Variants in RANBP3 observed in about 807,000 individuals in gnomAD.
The protein encoded by RANBP3 is ran-binding protein 3.
Under a neutral mutation model 77.3 loss-of-function variants are expected in RANBP3, and 14 were observed. The observed-to-expected ratio is 0.18, with a 90% confidence interval of 0.12 to 0.28. The LOEUF is 0.28. Among genes scored for constraint, RANBP3 ranks in the 10% least tolerant of loss-of-function variants. The pLI is 1.00. For synonymous variants in RANBP3, 315 were observed against 312.4 expected (o/e 1.01, Z -0.09); for missense variants, 586 against 752.3 (o/e 0.78, Z 2.59).
intron 2 of RANBP3, 50 bp downstream of exon 2, chr19:5,957,868 G>C (rs766743704): frequency 4.4e-6 from 7 of 1,598,102 alleles, no homozygotes; most frequent in Admixed American, 3.4e-5. Flanking sequence ...TCAGTAAAGA[G>C]AGAACAAATT....
rs992345408 is a variant in RANBP3 at position 5,957,910 on chromosome 19, C to A, written c.78+8G>T. On this transcript the variant is annotated splice_region_variant and intron_variant, in intron 2 of 16. Coordinates refer to ENST00000340578, the MANE Select transcript of RANBP3 (RefSeq NM_007322.3). The stretch of plus-strand genomic sequence containing the variant: ...ACGAAGTGAAGAGAGAACGTACCGG[C>A]CCCTTACCTTTTGTCCTTTATCCTT... The A allele has an allele frequency of 6.2e-7, 1 of 1,614,024 alleles. No individual in the cohort carries two copies.
chr19:5,960,830 G>A (rs976660680), intron 1 of RANBP3, among the ~76,000 whole-genome samples: 3 of 152,206 alleles, frequency 2.0e-5, no homozygotes, highest in Non-Finnish European at 4.4e-5. Flanking sequence ...CTGGACACAC[G>A]GCAGGGCTGA....
At chr19:5,968,799 G>A (rs58761764) in intron 1 of RANBP3, among the ~76,000 whole-genome samples, 2,811 of 152,316 alleles carry the variant, frequency 0.018, 86 homozygotes, top group African/African-American at 0.064. Context: ...GCACAGACTT[G>A]TGCTAGGCAC....
Position 5,924,997 on chromosome 19 carries a change from A to G in RANBP3, c.918-92T>C. The G allele has an allele frequency of 8.3e-7, 1 of 1,198,620 alleles. No individual in the cohort carries two copies. Among genetic ancestry groups the G allele is most frequent in the African/African-American group, 1.5e-5 (1 of 66,440 alleles). 74.2% of individuals were successfully genotyped at this position (1,198,620 alleles called of 1,614,324 possible). ...ACCCATGGAGCACACACTGACACAG[A>G]GGGCACAGTGGAGGGGCCTCCGCCA... is the stretch of plus-strand genomic sequence containing the variant. On this transcript the variant is annotated intron_variant, in intron 10 of 16. Transcript: ENST00000340578. This position sits in a 1 kb window ranked among gnomAD's most constrained non-coding sequence, Gnocchi z 4.7.
At chr19:5,923,637 C>G (rs1282732072) in intron 12 of RANBP3, among the ~76,000 whole-genome samples, 175 bp downstream of exon 12, 1 of 152,166 alleles carries the variant, frequency 6.6e-6, no homozygotes, top group Non-Finnish European at 1.5e-5. Context: ...CCCTCGAGTT[C>G]TTTATCACAA....
chr19:5,917,595 C>G lies in RANBP3; in HGVS notation c.*15G>C, dbSNP rs777173415. The G allele has an allele frequency of 6.3e-6, 10 of 1,585,514 alleles. No individual in the cohort carries two copies. The highest frequency in any genetic ancestry group is 8.5e-6 in the Non-Finnish European group (10 of 1,170,346). On this transcript the variant is annotated 3_prime_UTR_variant, in exon 17 of 17. Transcript: ENST00000340578. ...GACAAAGCAGCAGCCTGGTGTGCAG[C>G]CGGGCTCCCGGCCGCTATGTGCTCC...
intron 2 of RANBP3, 90 bp downstream of exon 2, chr19:5,957,828 C>T: frequency 2.1e-6 from 3 of 1,425,392 alleles, no homozygotes; most frequent in Middle Eastern, 1.8e-4. Context: ...GCAGAAGTGG[C>T]CTTGGCAATG....
chr19:5,969,789 A>G (rs1245970212), intron 1 of RANBP3, among the ~76,000 whole-genome samples: 34 of 152,216 alleles, frequency 2.2e-4, no homozygotes, highest in Admixed American at 2.2e-3. Context: ...CAGCCCTTAC[A>G]TTCTGTCAGG....
chr19:5,923,435 G>A (rs867204843), intron 12 of RANBP3, 132 bp from the exon 13 acceptor site: 112 of 819,560 alleles, frequency 1.4e-4, no homozygotes, highest in Middle Eastern at 1.4e-3. Flanking sequence ...GGCCTGCCCC[G>A]GCAACCCAAG....
chr19:5,943,759 C>T (rs1340290028), intron 3 of RANBP3, among the ~76,000 whole-genome samples: 3 of 152,194 alleles, frequency 2.0e-5, no homozygotes, highest in African/African-American at 7.2e-5. Flanking sequence ...TCACTATCCC[C>T]ACGAGATGAC....
At chr19:5,945,690 G>A (rs909521299) in intron 3 of RANBP3, among the ~76,000 whole-genome samples, 2 of 152,206 alleles carry the variant, frequency 1.3e-5, no homozygotes, top group Non-Finnish European at 2.9e-5. Flanking sequence ...AGTTCTGTCC[G>A]TTTTTGCTTT....
rs762383932 is a variant in RANBP3, at chr19:5,941,829, C to G, written c.289G>C (p.Ala97Pro). The G allele has an allele frequency of 1.4e-5, 22 of 1,612,172 alleles. No homozygotes were observed. The highest frequency in any genetic ancestry group is 1.9e-5 in the Non-Finnish European group (22 of 1,180,020). The part of the protein sequence containing the change: ...PFPRELAGRS[A>P]GGSSPEGGED... Reference sequence around the variant, plus strand: ...CCGCCTTCAGGACTGGAGCCGCCAGCTGACCTCTGAAACAAGGAGCACACA... The same window carrying G: ...CCGCCTTCAGGACTGGAGCCGCCAGGTGACCTCTGAAACAAGGAGCACACA... The change falls in exon 4 of 17, where the codon GCT (alanine) becomes CCT (proline). Residue 97 changes from alanine (A) to proline (P), a missense_variant. Physicochemically the swap from Ala to Pro is conservative, Grantham distance 27. Coordinates refer to ENST00000340578, the MANE Select transcript of RANBP3 (RefSeq NM_007322.3).
intron 1 of RANBP3, among the ~76,000 whole-genome samples, chr19:5,960,676 G>T (rs1258646757): frequency 6.6e-6 from 1 of 152,244 alleles, no homozygotes; most frequent in East Asian, 1.9e-4. Flanking sequence ...AGAAGAGAGA[G>T]AACCATTTGG....
Position 5,951,506 on chromosome 19 carries a change from A to C in RANBP3, c.169T>G (p.Ser57Ala). ...APHHGTGHPESAGEHALEPPA... is the reference protein window; with the variant it reads ...APHHGTGHPEAAGEHALEPPA... ...GGTTCTAGGGCATGCTCGCCAGCTG[A>C]CTCGGGGTGACCCGTGCCATGGTGG... is the stretch of plus-strand genomic sequence containing the variant. Residue 57 changes from serine (S) to alanine (A), a missense_variant, in exon 3 of 17, where the codon TCA becomes GCA. Ser to Ala is a moderately conservative substitution (Grantham distance 99). This residue lies in a region of RANBP3 where 172 missense variants were observed against 183.4 expected (regional missense o/e 0.94). Coordinates refer to ENST00000340578, the MANE Select transcript of RANBP3 (RefSeq NM_007322.3). 1 of 1,611,384 alleles carries C rather than the reference A, an allele frequency of 6.2e-7. No homozygotes were observed. Among genetic ancestry groups the C allele is most frequent in the Non-Finnish European group, 8.5e-7 (1 of 1,178,568 alleles).
intron 3 of RANBP3, among the ~76,000 whole-genome samples, chr19:5,946,689 C>A (rs1017187899): frequency 1.3e-5 from 2 of 152,236 alleles, no homozygotes; most frequent in Non-Finnish European, 2.9e-5. Flanking sequence ...ACACCCTGCA[C>A]CTTGCTGGGA....
At chr19:5,954,126 G>A (rs945246057) in intron 2 of RANBP3, among the ~76,000 whole-genome samples, 3 of 152,204 alleles carry the variant, frequency 2.0e-5, no homozygotes, top group Non-Finnish European at 4.4e-5. Context: ...GCTGAATCAT[G>A]ATTCAGCAAT....
At chr19:5,946,905 C>T (rs1193176523) in intron 3 of RANBP3, among the ~76,000 whole-genome samples, 1 of 152,222 alleles carries the variant, frequency 6.6e-6, no homozygotes, top group Non-Finnish European at 1.5e-5. Context: ...AGTCTGGGGC[C>T]ACCCCTCACC....
chr19:5,917,555 G>A lies in RANBP3; in HGVS notation c.*55C>T. ...CTGCCGGTGGGGTGGGGGCGGGTGG[G>A]CGGGTGGATAGACGGACAAAGCAGC... On this transcript the variant is annotated 3_prime_UTR_variant, in exon 17 of 17. Transcript: ENST00000340578. The A allele has an allele frequency of 6.6e-7, 1 of 1,504,186 alleles. No homozygotes were observed. Among genetic ancestry groups the A allele is most frequent in the Non-Finnish European group, 8.9e-7 (1 of 1,125,332 alleles). The allele number at this position is 1,504,186 out of a possible 1,614,324, so 93.2% of individuals were successfully genotyped here. A position where few individuals can be genotyped will look rare whatever the true frequency, so the allele number is the denominator to read the frequency against.
chr19:5,921,244 A>G lies in RANBP3; in HGVS notation c.1287T>C (p.Asn429=), dbSNP rs35211963. The G allele has an allele frequency of 5.2e-4, 839 of 1,613,516 alleles. 8 individuals are homozygous for G. In the African/African-American group the frequency reaches 9.8e-3, roughly 19 times the overall value. ...VERGRGLLRL[N]DMASTDDGTL... ...TGCCGTCATCGGTGGACGCCATGTC[A>G]TTGAGTCTGAGCAGCCCCCGGCCTC... is the stretch of plus-strand genomic sequence containing the variant. Residue 429 remains asparagine, a synonymous_variant, in exon 14 of 17, where the codon AAT becomes AAC. Coordinates refer to ENST00000340578, the MANE Select transcript of RANBP3 (RefSeq NM_007322.3). The surrounding 1 kb of genome is among the most constrained non-coding windows in gnomAD (Gnocchi z 5.3).
Sources: allele counts gnomAD v4.1 joint callset (sites outside exome capture counted in the v4.1 genomes callset), GRCh38; gene constraint gnomAD v4.1.1; regional missense constraint gnomAD v4.1.1; non-coding constraint Gnocchi (gnomAD v3.1); transcripts MANE v1.5; gene names NCBI Gene and HGNC (gene_info 2026-07-23, HGNC 2026-07-21).